UNKL: variants seen among roughly 807,000 people sequenced by gnomAD.
The protein encoded by UNKL is unk like zinc finger, also known as putative E3 ubiquitin-protein ligase UNKL.
In UNKL, 60 loss-of-function variants were observed where a neutral mutation model predicts 78.0. The ratio of observed to expected loss-of-function variants is 0.77; its 90% CI spans 0.63 to 0.95. UNKL has a LOEUF of 0.95. Among genes scored for constraint, UNKL ranks in the 40% least tolerant of loss-of-function variants. The pLI is 0.00. For missense variants in UNKL, 1,159 were observed against 1,045.7 expected (o/e 1.11, Z -1.49); for synonymous variants, 608 against 474.8 (o/e 1.28, Z -3.65).
intron 14 of UNKL, 80 bp from the exon 15 acceptor site, chr16:1,366,475 C>A (rs1033349835): frequency 1.3e-5 from 19 of 1,443,350 alleles, no homozygotes; most frequent in Middle Eastern, 2.6e-4. Flanking sequence ...GCCTTCCGGG[C>A]AGGACTCAGC....
Position 1,414,619 on chromosome 16 carries a change from A to T in UNKL, c.73T>A (p.Tyr25Asn). The stretch of plus-strand genomic sequence containing the variant: ...GCAGGCCGGACGGGCGCTGACCTGT[A>T]GTGGGTCGGCTTCTCAGTCTGCGGG... ...SPPQTEKPTHYRYLKEFRTEQ... is the reference protein window; with the variant it reads ...SPPQTEKPTHNRYLKEFRTEQ... The change falls in exon 1 of 15, where the codon TAC becomes AAC. Residue 25 changes from tyrosine (Y) to asparagine (N), a missense_variant. Tyr to Asn is a moderately radical substitution (Grantham distance 143, BLOSUM62 -2). Transcript: ENST00000389221. 9.2e-7 allele frequency: 1 copy of T among 1,091,534 alleles called. No homozygotes were observed. 67.6% of individuals were successfully genotyped at this position (1,091,534 alleles called of 1,614,324 possible).
At chr16:1,405,722 G>A (rs745600737) in intron 2 of UNKL, among the ~76,000 whole-genome samples, 5 of 151,692 alleles carry the variant, frequency 3.3e-5, no homozygotes, top group Non-Finnish European at 7.4e-5. Context: ...CCCGGGGGTC[G>A]GGTGACAAAC....
intron 6 of UNKL, among the ~76,000 whole-genome samples, chr16:1,396,088 C>T (rs1031602372): frequency 2.6e-5 from 4 of 151,408 alleles, no homozygotes; most frequent in Admixed American, 6.6e-5. Flanking sequence ...ACTATAGGCG[C>T]GCACCACTAC....
chr16:1,399,464 T>C lies in UNKL; in HGVS notation c.644A>G (p.Lys215Arg). 3 of 1,602,322 alleles carry C rather than the reference T, an allele frequency of 1.9e-6. No homozygotes were observed. Among genetic ancestry groups the C allele is most frequent in the Non-Finnish European group, 2.6e-6 (3 of 1,175,362 alleles). The change falls in exon 5 of 15, where the codon AAG (lysine) becomes AGG (arginine). Residue 215 changes from lysine to arginine, a missense_variant. Lys to Arg is a conservative substitution (Grantham distance 26, BLOSUM62 2). Transcript: ENST00000389221. This position sits in a 1 kb window ranked among gnomAD's most constrained non-coding sequence, Gnocchi z 5.8. Reference protein sequence around the residue: ...LGSYKTEQCPKPPRLCRQGYA... With the variant: ...LGSYKTEQCPRPPRLCRQGYA... ...GCCCTGGCGGCACAGGCGTGGCGGCTTCGGGCACTGCTCCGTCTTGTAGCT... is the reference window on the plus strand; with the variant it reads ...GCCCTGGCGGCACAGGCGTGGCGGCCTCGGGCACTGCTCCGTCTTGTAGCT...
rs1308658489 is a variant in UNKL, at chr16:1,413,973, G to A, written c.160C>T (p.His54Tyr). 4.5e-6 allele frequency: 7 copies of A among 1,552,544 alleles called. No individual in the cohort carries two copies. The African/African-American group carries it at 8.2e-5, about 18-fold the overall frequency. Residue 54 changes from histidine (H) to tyrosine (Y), a missense_variant, in exon 2 of 15, where the codon CAC becomes TAC. By Grantham distance (83) the His-to-Tyr change is moderately conservative. Coordinates refer to ENST00000389221, the MANE Select transcript of UNKL (RefSeq NM_001372107.1). ...CAQHRPFTCF[H>Y]WHFLNQRRRR... is the part of the protein sequence containing the mutation. ...CGCCGCTGGTTGAGGAAGTGCCAGT[G>A]GAAGCAGGTGAACGGCCGGTGCTGC...
Position 1,392,968 on chromosome 16 carries a change from C to G in UNKL, c.946G>C (p.Gly316Arg). ...TGACAGCCCCATTCATTCACCATCC[C>G]CAGGCTCTCTGCAAGGACAGGGGAG... is the stretch of plus-strand genomic sequence containing the variant. ...CAFAHVEKSL[G>R]MVNEWGCHDL... Residue 316 changes from glycine to arginine, a missense_variant, in exon 8 of 15, where the codon GGG becomes CGG. Transcript: ENST00000389221. 1 of 1,550,520 alleles carries G rather than the reference C, an allele frequency of 6.4e-7. No individual in the cohort carries two copies. The highest frequency in any genetic ancestry group is 8.7e-7 in the Non-Finnish European group (1 of 1,146,978).
rs946455138 is a variant in UNKL, at chr16:1,394,120, C to T, written c.937+11G>A. The T allele has an allele frequency of 3.1e-5, 48 of 1,549,358 alleles. No individual in the cohort carries two copies. The highest frequency in any genetic ancestry group is 1.7e-4 in the Middle Eastern group (1 of 5,984). ...TGCTAAGGTGAACCTGCCACAGGGACGGTTACTCACTCTCAACGTGTGCAA... is the reference window on the plus strand; with the variant it reads ...TGCTAAGGTGAACCTGCCACAGGGATGGTTACTCACTCTCAACGTGTGCAA... On this transcript the variant is annotated intron_variant, in intron 7 of 14. Transcript: ENST00000389221.
intron 10 of UNKL, chr16:1,383,847 G>A: frequency 2.3e-6 from 1 of 431,864 alleles, no homozygotes. Flanking sequence ...GGCTCCAGCA[G>A]CCCTGTCCTC....
At chr16:1,375,939 C>A (rs540659335) in intron 10 of UNKL, among the ~76,000 whole-genome samples, 1 of 152,240 alleles carries the variant, frequency 6.6e-6, no homozygotes, top group Non-Finnish European at 1.5e-5. Context: ...GACCTCAAAG[C>A]CTGACTGAAG....
chr16:1,375,192 A>C (rs2036125289), intron 10 of UNKL, among the ~76,000 whole-genome samples: 1 of 152,224 alleles, frequency 6.6e-6, no homozygotes. Context: ...GCACAGGCAG[A>C]GGCTGGCGTG....
chr16:1,380,838 C>G (rs1720015704), intron 10 of UNKL, among the ~76,000 whole-genome samples: 1 of 152,098 alleles, frequency 6.6e-6, no homozygotes, highest in Non-Finnish European at 1.5e-5. Context: ...CCACACCCAG[C>G]TAATTTTTGT....
At chr16:1,379,430 G>T (rs1207022655) in intron 10 of UNKL, 11 of 964,110 alleles carry the variant, frequency 1.1e-5, no homozygotes, top group Non-Finnish European at 1.4e-5. Flanking sequence ...CCCGGCAGAG[G>T]CAGGTTCCGA....
intron 12 of UNKL, 51 bp downstream of exon 12, chr16:1,370,079 G>T: frequency 6.5e-7 from 1 of 1,546,950 alleles, no homozygotes; most frequent in Non-Finnish European, 8.7e-7. Context: ...CTGGGAGGGA[G>T]CCCCACGGAG....
chr16:1,414,647 G>A lies in UNKL; in HGVS notation c.45C>T (p.Ser15=), dbSNP rs375920712. 1.1e-5 allele frequency: 12 copies of A among 1,142,412 alleles called. No homozygotes were observed. The highest frequency in any genetic ancestry group is 7.0e-5 in the South Asian group (3 of 42,678). 70.8% of individuals were successfully genotyped at this position (1,142,412 alleles called of 1,614,324 possible). A position where few individuals can be genotyped will look rare whatever the true frequency, so the allele number is the denominator to read the frequency against. Residue 15 remains serine, a synonymous_variant, in exon 1 of 15, where the codon TCC becomes TCT. Coordinates refer to ENST00000389221, the MANE Select transcript of UNKL (RefSeq NM_001372107.1). ...SKAAAAALSG[S]PPQTEKPTHY... ...GGGTCGGCTTCTCAGTCTGCGGGGG[G>A]GACCCGCTCAGCGCCGCTGCCGCCG... is the stretch of plus-strand genomic sequence containing the variant.
At chr16:1,383,587 G>C (rs9635640) in intron 10 of UNKL, 2 of 363,866 alleles carry the variant, frequency 5.5e-6, no homozygotes, top group South Asian at 3.9e-5. Context: ...CCGCTGGGAA[G>C]AGTCTCTCTC....
intron 10 of UNKL, among the ~76,000 whole-genome samples, chr16:1,377,002 C>G (rs1344481708): frequency 6.6e-6 from 1 of 151,992 alleles, no homozygotes; most frequent in Non-Finnish European, 1.5e-5. Context: ...GCCTGGGGTT[C>G]AGGTGCATCT....
chr16:1,381,129 C>T (rs2036590600), intron 10 of UNKL, among the ~76,000 whole-genome samples: 1 of 152,232 alleles, frequency 6.6e-6, no homozygotes, highest in South Asian at 2.1e-4. Flanking sequence ...TACGCGGATG[C>T]AGCCACGCCT....
chr16:1,393,460 G>A (rs1021299886), intron 7 of UNKL, among the ~76,000 whole-genome samples: 19 of 151,866 alleles, frequency 1.3e-4, no homozygotes, highest in Admixed American at 1.2e-3. Flanking sequence ...GGCCGCGTGG[G>A]TTCCCACTGA....
intron 6 of UNKL, 46 bp from the exon 7 acceptor site, chr16:1,394,261 C>A: frequency 6.5e-7 from 1 of 1,540,294 alleles, no homozygotes; most frequent in Non-Finnish European, 8.8e-7. Context: ...AAATGGGATT[C>A]TGTGGAAAGA....
Sources: allele counts gnomAD v4.1 joint callset (sites outside exome capture counted in the v4.1 genomes callset), GRCh38; gene constraint gnomAD v4.1.1; non-coding constraint Gnocchi (gnomAD v3.1); transcripts MANE v1.5; gene names NCBI Gene and HGNC (gene_info 2026-07-23, HGNC 2026-07-21).